OPCML: variants seen among roughly 807,000 people sequenced by gnomAD.
OPCML encodes opioid-binding protein/cell adhesion molecule.
In OPCML, 13 loss-of-function variants were observed where a neutral mutation model predicts 37.8. That is an observed-to-expected ratio of 0.34 (90% CI 0.22 to 0.55). The LOEUF (loss-of-function observed/expected upper bound fraction) is 0.55, where lower values mean the gene tolerates loss of function less well. Among genes scored for constraint, OPCML ranks in the 20% least tolerant of loss-of-function variants. OPCML has a pLI of 0.91. For missense variants in OPCML, 341 were observed against 435.6 expected (o/e 0.78, Z 1.93); for synonymous variants, 176 against 168.8 (o/e 1.04, Z -0.33).
At chr11:132,653,496 C>A (rs1464704080) in intron 3 of OPCML, among the ~76,000 whole-genome samples, 1 of 152,198 alleles carries the variant, frequency 6.6e-6, no homozygotes, top group Non-Finnish European at 1.5e-5. Context: ...CGGATTTCCT[C>A]CACACTGAGG....
chr11:133,350,601 A>C (rs1398070892), intron 1 of OPCML, among the ~76,000 whole-genome samples: 2 of 152,154 alleles, frequency 1.3e-5, no homozygotes, highest in East Asian at 3.9e-4. Context: ...AGAAAATCAC[A>C]CTTTTCTCTC....
chr11:132,530,290 G>A (rs367867360), intron 3 of OPCML, among the ~76,000 whole-genome samples: 6 of 146,072 alleles, frequency 4.1e-5, no homozygotes, highest in African/African-American at 1.2e-4. Flanking sequence ...CTCACCTCCA[G>A]GCCTTGATGC....
chr11:133,155,784 C>T (rs914382221), intron 1 of OPCML, among the ~76,000 whole-genome samples: 24 of 152,194 alleles, frequency 1.6e-4, no homozygotes, highest in African/African-American at 5.6e-4. Flanking sequence ...GCTCATTCCT[C>T]CTCCTCCAGT....
intron 4 of OPCML, among the ~76,000 whole-genome samples, chr11:132,448,549 G>T (rs927063610): frequency 1.3e-5 from 2 of 152,198 alleles, no homozygotes; most frequent in African/African-American, 4.8e-5. Flanking sequence ...AGGGGCAGGG[G>T]TCCCTTTGAA....
intron 4 of OPCML, among the ~76,000 whole-genome samples, chr11:132,506,433 A>G (rs887932807): frequency 2.0e-5 from 3 of 152,230 alleles, no homozygotes; most frequent in Admixed American, 6.5e-5. Flanking sequence ...AACTAGTGTC[A>G]CCTACAAAGG....
chr11:133,006,357 GT>G (rs1803650632), intron 1 of OPCML: 1 of 773,604 alleles, frequency 1.3e-6, no homozygotes, highest in South Asian at 5.9e-5. Context: ...CATTGAAATG[GT>G]CTGCAATCCT....
intron 1 of OPCML, among the ~76,000 whole-genome samples, chr11:132,988,547 G>A (rs1031698983): frequency 2.8e-4 from 43 of 152,268 alleles, no homozygotes; most frequent in African/African-American, 9.6e-4. Flanking sequence ...AGGGCTGCGC[G>A]GCCTTCTTTT....
At chr11:133,038,667 C>T (rs941654520) in intron 1 of OPCML, among the ~76,000 whole-genome samples, 23 of 152,138 alleles carry the variant, frequency 1.5e-4, no homozygotes, top group African/African-American at 5.5e-4. Flanking sequence ...AGTACATATC[C>T]CAAGGTCACA....
chr11:133,239,413 G>C (rs1743682000), intron 1 of OPCML, among the ~76,000 whole-genome samples: 1 of 152,222 alleles, frequency 6.6e-6, no homozygotes, highest in Admixed American at 6.5e-5. Flanking sequence ...CTGAGACAGG[G>C]GAGTGACATT....
At chr11:132,724,736 A>G (rs1944812742) in intron 2 of OPCML, among the ~76,000 whole-genome samples, 1 of 152,232 alleles carries the variant, frequency 6.6e-6, no homozygotes, top group Admixed American at 6.5e-5. Context: ...CTTCCTAGAT[A>G]CAATGGGGGT....
At chr11:133,379,363 G>T (rs1045952386) in intron 1 of OPCML, among the ~76,000 whole-genome samples, 9 of 152,104 alleles carry the variant, frequency 5.9e-5, no homozygotes, top group Non-Finnish European at 7.4e-5. Context: ...CATCCTCTCA[G>T]CTGAGCTCTT....
intron 1 of OPCML, among the ~76,000 whole-genome samples, chr11:133,040,022 C>A (rs913048328): frequency 1.3e-5 from 2 of 151,392 alleles, no homozygotes; most frequent in Non-Finnish European, 2.9e-5. Context: ...GCACGAGACT[C>A]CATCTCAAAA....
At chr11:132,790,503 A>G (rs144236837) in intron 2 of OPCML, among the ~76,000 whole-genome samples, 2,428 of 152,322 alleles carry the variant, frequency 0.016, 26 homozygotes, top group Middle Eastern at 0.034. Context: ...GTTTCAATTT[A>G]AAAAGTCAAC....
chr11:133,005,975 G>A lies in OPCML; in HGVS notation c.62-62965C>T, dbSNP rs1947102469. 11 of 985,406 alleles carry A rather than the reference G, an allele frequency of 1.1e-5. No individual in the cohort carries two copies. In the South Asian group the frequency reaches 5.2e-4, roughly 46 times the overall value. The allele number at this position is 985,406 out of a possible 1,614,324, so 61.0% of individuals were successfully genotyped here. On this transcript the variant is annotated intron_variant, in intron 1 of 7. Coordinates refer to ENST00000524381, the MANE Select transcript of OPCML (RefSeq NM_001012393.5). ...CAGCTTCCAGGACAAGTTCTAAAAG[G>A]GAAGATGTCTCTTTTCCTTGCCCTT...
chr11:133,505,137 A>G (rs895843637), intron 1 of OPCML, among the ~76,000 whole-genome samples: 12 of 152,198 alleles, frequency 7.9e-5, no homozygotes, highest in South Asian at 2.1e-4. Context: ...CAAACCCCGG[A>G]ATTCCCTCTC....
intron 1 of OPCML, among the ~76,000 whole-genome samples, chr11:133,160,444 T>C (rs1036528297): frequency 1.3e-5 from 2 of 152,230 alleles, no homozygotes; most frequent in African/African-American, 2.4e-5. Flanking sequence ...GAAATGCCTA[T>C]TGGACAGATT....
chr11:133,450,716 G>A (rs570515592), intron 1 of OPCML, among the ~76,000 whole-genome samples: 8 of 151,772 alleles, frequency 5.3e-5, no homozygotes, highest in South Asian at 2.1e-4. Flanking sequence ...AGAACACAAC[G>A]TGAAGGAAAA....
At chr11:132,649,380 C>T (rs1266005385) in intron 3 of OPCML, among the ~76,000 whole-genome samples, 1 of 152,160 alleles carries the variant, frequency 6.6e-6, no homozygotes, top group Non-Finnish European at 1.5e-5. Context: ...GTCAATTATA[C>T]TCTGGCTACG....
At chr11:132,721,100 CTCATTCATTCAT>C (rs750126243) in intron 2 of OPCML, among the ~76,000 whole-genome samples, 3 of 152,100 alleles carry the variant, frequency 2.0e-5, no homozygotes, top group South Asian at 2.1e-4. Flanking sequence ...GGTTTGATTG[CTCATTCATTCAT>C]TCATTCATTC....
Sources: allele counts gnomAD v4.1 joint callset (sites outside exome capture counted in the v4.1 genomes callset), GRCh38; gene constraint gnomAD v4.1.1; transcripts MANE v1.5; gene names NCBI Gene and HGNC (gene_info 2026-07-23, HGNC 2026-07-21).